ITSN1: variants seen among roughly 807,000 people sequenced by gnomAD.
The protein encoded by ITSN1 is intersectin-1.
Under a neutral mutation model 239.8 loss-of-function variants are expected in ITSN1, and 58 were observed. The ratio of observed to expected loss-of-function variants is 0.24; its 90% CI spans 0.20 to 0.30. The LOEUF (loss-of-function observed/expected upper bound fraction) is 0.30, where lower values mean the gene tolerates loss of function less well. Ranked by LOEUF, ITSN1 falls within the 10% of genes least tolerant of loss-of-function variation. The pLI is 1.00. For missense variants in ITSN1, 1,558 were observed against 2,103.3 expected (o/e 0.74, Z 5.07); for synonymous variants, 780 against 770.8 (o/e 1.01, Z -0.20).
chr21:33,693,080 G>A (rs1342925188), intron 1 of ITSN1, among the ~76,000 whole-genome samples: 1 of 152,148 alleles, frequency 6.6e-6, no homozygotes, highest in East Asian at 1.9e-4. Flanking sequence ...ATAGGCATGA[G>A]CCACCGCGCC....
intron 20 of ITSN1, among the ~76,000 whole-genome samples, chr21:33,806,642 A>C (rs2072476333): frequency 6.6e-6 from 1 of 152,268 alleles, no homozygotes; most frequent in Non-Finnish European, 1.5e-5. Flanking sequence ...TCTGTAACAT[A>C]GTCCCAGAAA....
chr21:33,858,634 G>A, intron 30 of ITSN1, 52 bp from the exon 31 acceptor site: 1 of 1,169,038 alleles, frequency 8.6e-7, no homozygotes, highest in Admixed American at 1.7e-5. Flanking sequence ...GTGTGAGTGT[G>A]TGAGTTTTAA....
chr21:33,807,115 G>GT (rs1491503590), intron 20 of ITSN1, among the ~76,000 whole-genome samples: 7 of 152,130 alleles, frequency 4.6e-5, no homozygotes, highest in Admixed American at 4.6e-4. Flanking sequence ...ACTATTGTTT[G>GT]GGGGGCTGTT....
chr21:33,785,989 C>G (rs546959132), intron 16 of ITSN1, among the ~76,000 whole-genome samples: 1 of 152,246 alleles, frequency 6.6e-6, no homozygotes, highest in South Asian at 2.1e-4. Context: ...TTAAATAAGT[C>G]TGTAAAAACA....
intron 16 of ITSN1, among the ~76,000 whole-genome samples, chr21:33,788,575 A>G (rs1410546459): frequency 6.6e-6 from 1 of 152,162 alleles, no homozygotes; most frequent in African/African-American, 2.4e-5. Context: ...TACTAAAAAT[A>G]CAAAAATTGG....
At chr21:33,859,301 G>A (rs1980007800) in intron 31 of ITSN1, among the ~76,000 whole-genome samples, 1 of 152,206 alleles carries the variant, frequency 6.6e-6, no homozygotes, top group Non-Finnish European at 1.5e-5. Context: ...TTAGTTTGCA[G>A]AGGCAGCTCC....
At position 33,778,672 on chromosome 21, in the gene ITSN1, G is replaced by A. The variant is rs371644662; in HGVS notation, c.1597-2789G>A. 1.1e-3 allele frequency among the ~76,000 whole-genome samples: 130 copies of A among 116,586 alleles called. 9 individuals are homozygous for A. The highest frequency in any genetic ancestry group is 4.7e-3 in the African/African-American group (119 of 25,574). The allele number at this position is 116,586 out of a possible 152,430, so 76.5% of individuals were successfully genotyped here. A position where few individuals can be genotyped will look rare whatever the true frequency, so the allele number is the denominator to read the frequency against. Reference sequence around the variant, plus strand: ...CGGCTCACTGCAAGCTCCGCCTCCCGGGTTCACGCCATTCTCCTGCCTCAG... The same window carrying A: ...CGGCTCACTGCAAGCTCCGCCTCCCAGGTTCACGCCATTCTCCTGCCTCAG... On this transcript the variant is annotated intron_variant, in intron 14 of 39. Transcript: ENST00000381318.
intron 1 of ITSN1, among the ~76,000 whole-genome samples, chr21:33,687,364 C>A (rs2091295494): frequency 7.8e-6 from 1 of 128,878 alleles, no homozygotes; most frequent in Non-Finnish European, 1.5e-5. Flanking sequence ...TGCCATTGCA[C>A]TTCAGCCTGG....
At chr21:33,884,806 G>A (rs1359038441) in intron 36 of ITSN1, among the ~76,000 whole-genome samples, 3 of 152,166 alleles carry the variant, frequency 2.0e-5, no homozygotes, top group Admixed American at 6.5e-5. Context: ...TTTCTTCCCC[G>A]GGGACATCAT....
intron 1 of ITSN1, among the ~76,000 whole-genome samples, chr21:33,683,183 G>A (rs527707675): frequency 6.6e-6 from 1 of 151,684 alleles, no homozygotes; most frequent in Non-Finnish European, 1.5e-5. Flanking sequence ...GGAATCAGGC[G>A]CTGACTTTTT....
chr21:33,747,927 T>C (rs181852077), intron 5 of ITSN1, among the ~76,000 whole-genome samples: 1 of 152,314 alleles, frequency 6.6e-6, no homozygotes, highest in Admixed American at 6.5e-5. Context: ...TGTAGGTTAA[T>C]TTAGAAGACC....
At chr21:33,732,088 A>G (rs1041385264) in intron 4 of ITSN1, among the ~76,000 whole-genome samples, 3 of 152,214 alleles carry the variant, frequency 2.0e-5, no homozygotes, top group Non-Finnish European at 4.4e-5. Flanking sequence ...CATTTCATTG[A>G]AAGAGTTATT....
intron 1 of ITSN1, among the ~76,000 whole-genome samples, chr21:33,716,871 G>T (rs1323433707): frequency 6.6e-6 from 1 of 151,490 alleles, no homozygotes; most frequent in Non-Finnish European, 1.5e-5. Flanking sequence ...AGAATTGCTT[G>T]AACCTGGGAG....
At chr21:33,694,336 T>C (rs1448701686) in intron 1 of ITSN1, among the ~76,000 whole-genome samples, 2 of 152,242 alleles carry the variant, frequency 1.3e-5, no homozygotes, top group Admixed American at 1.3e-4. Flanking sequence ...GCTGGATGTT[T>C]CATAATTTAC....
At chr21:33,833,403 T>G (rs1277018720) in intron 27 of ITSN1, among the ~76,000 whole-genome samples, 1 of 152,202 alleles carries the variant, frequency 6.6e-6, no homozygotes, top group Non-Finnish European at 1.5e-5. Flanking sequence ...CATCTAAGGA[T>G]GTATATTACC....
intron 4 of ITSN1, among the ~76,000 whole-genome samples, chr21:33,724,474 C>T (rs897181855): frequency 6.6e-6 from 1 of 152,258 alleles, no homozygotes; most frequent in African/African-American, 2.4e-5. Flanking sequence ...TAACAAGCTT[C>T]TGCTTTGCAG....
chr21:33,854,628 A>C (rs1978964440), intron 29 of ITSN1, among the ~76,000 whole-genome samples: 1 of 152,214 alleles, frequency 6.6e-6, no homozygotes, highest in African/African-American at 2.4e-5. Flanking sequence ...AGCTTGGCTG[A>C]ACTGAATGAG....
At chr21:33,743,960 T>C (rs562646712) in intron 5 of ITSN1, among the ~76,000 whole-genome samples, 1 of 152,348 alleles carries the variant, frequency 6.6e-6, no homozygotes, top group East Asian at 1.9e-4. Context: ...TATATTAACA[T>C]GAGCCTTTCT....
intron 29 of ITSN1, among the ~76,000 whole-genome samples, chr21:33,841,190 A>C (rs1350902092): frequency 6.6e-6 from 1 of 152,260 alleles, no homozygotes; most frequent in Non-Finnish European, 1.5e-5. Flanking sequence ...GAATCTGGGC[A>C]GACCCAGGCC....
Sources: gnomAD v4.1 joint callset for allele counts (sites outside exome capture counted in the v4.1 genomes callset) on GRCh38, gnomAD v4.1.1 for gene constraint, MANE v1.5 for transcripts, NCBI Gene and HGNC (gene_info 2026-07-23, HGNC 2026-07-21) for gene names.